The following BCKDHB variants were observed in gnomAD, a reference collection of about 807,000 sequenced individuals.
BCKDHB encodes branched chain keto acid dehydrogenase E1 subunit beta, also known as 2-oxoisovalerate dehydrogenase subunit beta, mitochondrial.
Under a neutral mutation model 48.5 loss-of-function variants are expected in BCKDHB, and 41 were observed. The observed-to-expected ratio is 0.85, with a 90% CI of 0.66 to 1.10. BCKDHB has a LOEUF of 1.10. BCKDHB is among the 50% of genes least tolerant of loss of function. The pLI, the probability that BCKDHB is intolerant of heterozygous loss-of-function variation, is 0.00. For missense variants in BCKDHB, 496 were observed against 494.2 expected, an observed-to-expected ratio of 1.00 and a Z score of -0.03; for synonymous variants, 201 against 174.8, an observed-to-expected ratio of 1.15 and a Z score of -1.18.
At chr6:80,385,893 T>C in the BCKDHB span, among the ~76,000 whole-genome samples, 1 of 152,196 alleles carries the variant, frequency 6.6e-6, no homozygotes, top group Admixed American at 6.5e-5. Context: ...AATTTATTGA[T>C]TGGGGCCCAC....
the BCKDHB span, among the ~76,000 whole-genome samples, chr6:80,371,940 C>T: frequency 6.6e-6 from 1 of 151,954 alleles, no homozygotes; most frequent in Non-Finnish European, 1.5e-5. Context: ...GTTCTTTTTG[C>T]TTCATCTTGC....
At chr6:80,431,222 G>C in the BCKDHB span, among the ~76,000 whole-genome samples, 1 of 152,154 alleles carries the variant, frequency 6.6e-6, no homozygotes, top group Non-Finnish European at 1.5e-5. Flanking sequence ...CATTTGCTGA[G>C]GAGTGTTTTA....
chr6:80,332,935 A>G (rs1769391442), intron 9 of BCKDHB, among the ~76,000 whole-genome samples: 1 of 152,130 alleles, frequency 6.6e-6, no homozygotes. Context: ...AGAAAAAAAA[A>G]AAAAGTACAA....
chr6:80,121,722 A>G (rs184808604), intron 1 of BCKDHB, among the ~76,000 whole-genome samples: 73 of 152,306 alleles, frequency 4.8e-4, no homozygotes, highest in Non-Finnish European at 7.4e-5. Context: ...GAAACTTTGC[A>G]GAATTTGCTT....
intron 1 of BCKDHB, among the ~76,000 whole-genome samples, chr6:80,120,358 A>G (rs142469493): frequency 0.065 from 9,703 of 149,820 alleles, 420 homozygotes; most frequent in South Asian, 0.086. Flanking sequence ...ATGATTTATA[A>G]TCCTTTGGAT....
chr6:80,419,673 G>T, the BCKDHB span, among the ~76,000 whole-genome samples: 1 of 152,058 alleles, frequency 6.6e-6, no homozygotes, highest in South Asian at 2.1e-4. Context: ...GTGTTTGAGG[G>T]GTCTCTTCCT....
At chr6:80,307,195 A>G (rs1767924835) in intron 9 of BCKDHB, among the ~76,000 whole-genome samples, 1 of 152,118 alleles carries the variant, frequency 6.6e-6, no homozygotes, top group African/African-American at 2.4e-5. Context: ...AGAACCTACT[A>G]CTTATTAATA....
chr6:80,208,132 T>C (rs922123188), intron 8 of BCKDHB, among the ~76,000 whole-genome samples: 1 of 151,822 alleles, frequency 6.6e-6, no homozygotes, highest in African/African-American at 2.4e-5. Flanking sequence ...TGAGATTATG[T>C]TCTCTAACAA....
the BCKDHB span, among the ~76,000 whole-genome samples, chr6:80,359,544 G>C: frequency 2.6e-5 from 4 of 152,204 alleles, no homozygotes; most frequent in Non-Finnish European, 5.9e-5. Flanking sequence ...CACCTCAGGA[G>C]GGAGAAGAGA....
intron 9 of BCKDHB, among the ~76,000 whole-genome samples, chr6:80,315,514 T>TTTAC (rs1273566822): frequency 6.6e-6 from 1 of 152,148 alleles, no homozygotes; most frequent in African/African-American, 2.4e-5. Context: ...AGGTGCTGTA[T>TTTAC]TTACTCACCC....
intron 1 of BCKDHB, among the ~76,000 whole-genome samples, chr6:80,108,308 GTTT>G (rs574194102): frequency 7.6e-6 from 1 of 131,108 alleles, no homozygotes. Context: ...AATAGTAGGT[GTTT>G]TTTTTTTTTT....
chr6:80,435,714 G>A, the BCKDHB span, among the ~76,000 whole-genome samples: 2 of 152,248 alleles, frequency 1.3e-5, no homozygotes, highest in South Asian at 4.1e-4. Context: ...GAAGTGAAAC[G>A]TGTGTGAGTT....
chr6:80,268,111 A>T (rs1416441555), intron 8 of BCKDHB, among the ~76,000 whole-genome samples: 1 of 152,120 alleles, frequency 6.6e-6, no homozygotes, highest in East Asian at 1.9e-4. Context: ...GGAGGAGGTC[A>T]TGCTGATTAA....
chr6:80,222,141 C>T (rs1375596869), intron 8 of BCKDHB, among the ~76,000 whole-genome samples: 1 of 152,044 alleles, frequency 6.6e-6, no homozygotes, highest in Admixed American at 6.6e-5. Context: ...TTCGGAGTCC[C>T]CAGTGTCTAT....
At chr6:80,254,573 A>G (rs1776970662) in intron 8 of BCKDHB, among the ~76,000 whole-genome samples, 1 of 151,996 alleles carries the variant, frequency 6.6e-6, no homozygotes, top group Non-Finnish European at 1.5e-5. Flanking sequence ...GATGAAGTCC[A>G]CCTTTGGTCC....
At chr6:80,326,834 C>T (rs1562231840) in intron 9 of BCKDHB, among the ~76,000 whole-genome samples, 2 of 152,004 alleles carry the variant, frequency 1.3e-5, no homozygotes, top group African/African-American at 2.4e-5. Flanking sequence ...CCACTGGACT[C>T]CAGCTTGGGC....
In BCKDHB at chr6:80,208,008, A is replaced by G. The variant is rs534552899; in HGVS notation, c.951+4796A>G. 2.6e-5 allele frequency among the ~76,000 whole-genome samples: 4 copies of G among 151,934 alleles called. No individual in the cohort carries two copies. In the East Asian group the frequency reaches 5.8e-4, roughly 22 times the overall value. On this transcript the variant is annotated intron_variant, in intron 8 of 9. Transcript: ENST00000320393. ...AGAAGATCTGAACAAAGCAATTTGT[A>G]AAGTTGTCCTAATTGTGCACCAAAC...
chr6:80,324,028 T>C (rs1768896356), intron 9 of BCKDHB, among the ~76,000 whole-genome samples: 5 of 152,168 alleles, frequency 3.3e-5, no homozygotes, highest in Admixed American at 3.3e-4. Context: ...TGCCTCGGCC[T>C]CCCAAAGTGC....
intron 6 of BCKDHB, among the ~76,000 whole-genome samples, chr6:80,180,146 C>T (rs1773344835): frequency 6.6e-6 from 1 of 152,294 alleles, no homozygotes; most frequent in Non-Finnish European, 1.5e-5. Flanking sequence ...GAAAATAAGT[C>T]ATATATTCTT....
Sources: gnomAD v4.1 joint callset for allele counts (sites outside exome capture counted in the v4.1 genomes callset) on GRCh38, gnomAD v4.1.1 for gene constraint, MANE v1.5 for transcripts, NCBI Gene and HGNC (gene_info 2026-07-23, HGNC 2026-07-21) for gene names.